Variants in SCN1A observed in about 807,000 individuals in gnomAD.
SCN1A encodes the protein sodium voltage-gated channel alpha subunit 1.
A neutral mutation model predicts 193.7 loss-of-function variants in SCN1A; 13 were observed. That is an observed-to-expected ratio of 0.07 (90% CI 0.04 to 0.11). SCN1A has a LOEUF of 0.11. SCN1A is among the 10% of genes least tolerant of loss of function. SCN1A has a pLI of 1.00. For synonymous variants in SCN1A, 781 were observed against 843.6 expected (o/e 0.93, Z 1.29); for missense variants, 1,432 against 2,451.1 (o/e 0.58, Z 8.78).
chr2:166,115,447 T>C (rs1390627671), intron 2 of SCN1A, among the ~76,000 whole-genome samples: 4 of 152,034 alleles, frequency 2.6e-5, no homozygotes, highest in African/African-American at 9.7e-5. Flanking sequence ...TAAAAACAGC[T>C]AACAGTAATA....
chr2:166,124,170 A>G (rs1188932855), intron 2 of SCN1A, among the ~76,000 whole-genome samples: 2 of 151,930 alleles, frequency 1.3e-5, no homozygotes, highest in Non-Finnish European at 2.9e-5. Flanking sequence ...GTGGGTAGGA[A>G]TTTTGCTTTA....
chr2:166,067,196 A>G (rs1683931875), intron 4 of SCN1A, among the ~76,000 whole-genome samples: 1 of 152,310 alleles, frequency 6.6e-6, no homozygotes, highest in Non-Finnish European at 1.5e-5. Flanking sequence ...AAGCTAATCT[A>G]GATCACTGAG....
At chr2:165,984,917 A>T (rs368100236), downstream of SCN1A, 1 of 152,200 alleles carries the variant, frequency 6.6e-6, no homozygotes, top group African/African-American at 2.4e-5. Flanking sequence ...GTTTATATCA[A>T]CAAGATTATT....
chr2:166,079,160 A>G (rs1477527769), intron 2 of SCN1A, among the ~76,000 whole-genome samples: 3 of 151,536 alleles, frequency 2.0e-5, no homozygotes, highest in Non-Finnish European at 3.0e-5. Flanking sequence ...ATGTCTGTAC[A>G]TATTTTTTTT....
At chr2:166,062,557 G>C (rs2105933739) in intron 4 of SCN1A, among the ~76,000 whole-genome samples, 1 of 152,188 alleles carries the variant, frequency 6.6e-6, no homozygotes, top group African/African-American at 2.4e-5. Flanking sequence ...ATTGAAGGGA[G>C]GGAAGAGTCT....
At position 166,056,460 on chromosome 2, in the gene SCN1A, A is replaced by C; in HGVS notation, c.424T>G (p.Cys142Gly). The C allele has an allele frequency of 6.2e-7, 1 of 1,608,600 alleles. No individual in the cohort carries two copies. Among genetic ancestry groups the C allele is most frequent in the Non-Finnish European group, 8.5e-7 (1 of 1,175,188 alleles). Reference sequence around the variant, plus strand: ...GGGTTACTCATTGTCATAAACACACAGTTTGTCAAAATAGTGCACATAATT... The same window carrying C: ...GGGTTACTCATTGTCATAAACACACCGTTTGTCAAAATAGTGCACATAATT... ...MLIMCTILTNCVFMTMSNPPD... is the reference protein window; with the variant it reads ...MLIMCTILTNGVFMTMSNPPD... The change falls in exon 6 of 29, where the codon TGT becomes GGT. Residue 142 changes from cysteine to glycine, a missense_variant. Cys to Gly is a radical substitution (Grantham distance 159). Coordinates refer to ENST00000674923, the MANE Select transcript of SCN1A (RefSeq NM_001165963.4).
intron 2 of SCN1A, among the ~76,000 whole-genome samples, chr2:166,120,919 G>A (rs1574595873): frequency 6.6e-6 from 1 of 151,708 alleles, no homozygotes; most frequent in Non-Finnish European, 1.5e-5. Context: ...TCTGGCCTAT[G>A]TAGACTATTA....
chr2:166,092,512 A>G (rs1217066498), intron 2 of SCN1A: 1 of 152,176 alleles, frequency 6.6e-6, no homozygotes. Context: ...ATGTTAGAAC[A>G]GGTCATATCT....
At chr2:166,118,574 G>C (rs1253687889) in intron 2 of SCN1A, among the ~76,000 whole-genome samples, 4 of 151,766 alleles carry the variant, frequency 2.6e-5, no homozygotes, top group Non-Finnish European at 5.9e-5. Context: ...CCTGACACCG[G>C]ACTGTTTTCT....
At chr2:166,088,468 A>G (rs1686390943) in intron 2 of SCN1A, among the ~76,000 whole-genome samples, 1 of 152,136 alleles carries the variant, frequency 6.6e-6, no homozygotes, top group African/African-American at 2.4e-5. Flanking sequence ...ACTCTTTCAT[A>G]TCAATATGTT....
intron 2 of SCN1A, among the ~76,000 whole-genome samples, chr2:166,100,622 G>A (rs540355696): frequency 1.6e-4 from 24 of 148,954 alleles, no homozygotes; most frequent in African/African-American, 4.9e-4. Flanking sequence ...ATCTGACAAA[G>A]GGCTAATATC....
At chr2:166,102,204 A>G (rs752332419) in intron 2 of SCN1A, among the ~76,000 whole-genome samples, 1 of 152,250 alleles carries the variant, frequency 6.6e-6, no homozygotes, top group African/African-American at 2.4e-5. Flanking sequence ...GACAATTTTT[A>G]AAAAGTCATG....
At chr2:166,132,619 C>G (rs542797521), upstream of SCN1A, among the ~76,000 whole-genome samples, 1 of 152,114 alleles carries the variant, frequency 6.6e-6, no homozygotes, top group Non-Finnish European at 1.5e-5. Flanking sequence ...CAATTAAGAA[C>G]TCTCTTTTAG....
intron 12 of SCN1A, among the ~76,000 whole-genome samples, chr2:166,045,660 A>G (rs1161138167): frequency 6.6e-6 from 1 of 152,182 alleles, no homozygotes; most frequent in African/African-American, 2.4e-5. Flanking sequence ...ATTGGTATTT[A>G]ATTAGTGTTG....
intron 12 of SCN1A, 27 bp downstream of exon 12, chr2:166,046,743 C>T: frequency 6.2e-7 from 1 of 1,604,576 alleles, no homozygotes; most frequent in South Asian, 1.1e-5. Context: ...GATAAAAGGT[C>T]AGTGCCATGA....
intron 5 of SCN1A, 99 bp from the exon 6 acceptor site, chr2:166,056,599 A>T: frequency 1.2e-6 from 1 of 820,162 alleles, no homozygotes; most frequent in East Asian, 2.5e-5. Context: ...CTTAGCCAAA[A>T]TTCAGGGATA....
intron 1 of SCN1A, among the ~76,000 whole-genome samples, chr2:166,142,489 A>G (rs1574651652): frequency 6.6e-6 from 1 of 152,202 alleles, no homozygotes; most frequent in East Asian, 1.9e-4. Context: ...TGTGCTTACT[A>G]CTATAAAGTT....
intron 26 of SCN1A, among the ~76,000 whole-genome samples, chr2:165,996,558 G>A (rs564520643): frequency 2.0e-5 from 3 of 151,524 alleles, no homozygotes; most frequent in South Asian, 2.1e-4. Flanking sequence ...CATTAAAAAA[G>A]TCACTCTAAC....
At chr2:166,083,079 T>G (rs1204622140) in intron 2 of SCN1A, among the ~76,000 whole-genome samples, 2 of 152,106 alleles carry the variant, frequency 1.3e-5, no homozygotes, top group African/African-American at 4.8e-5. Context: ...ACTGTTGTGA[T>G]CTCACATAAC....
Sources: allele counts gnomAD v4.1 joint callset (sites outside exome capture counted in the v4.1 genomes callset), GRCh38; gene constraint gnomAD v4.1.1; transcripts MANE v1.5; gene names NCBI Gene and HGNC (gene_info 2026-07-23, HGNC 2026-07-21).